The following ROBO2 variants were observed in gnomAD, a reference collection of about 807,000 sequenced individuals.
ROBO2 encodes roundabout guidance receptor 2, also known as roundabout homolog 2.
Under a neutral mutation model 160.8 loss-of-function variants are expected in ROBO2, and 53 were observed. That is an observed-to-expected ratio of 0.33 (90% confidence interval 0.26 to 0.41). The LOEUF is 0.41. ROBO2 is among the 10% of genes least tolerant of loss of function. The pLI is 1.00. For synonymous variants in ROBO2, 664 were observed against 611.7 expected (o/e 1.09, Z -1.26); for missense variants, 1,577 against 1,722.4 (o/e 0.92, Z 1.49).
At chr3:76,601,245 G>C (rs1364225572) in intron 2 of ROBO2, among the ~76,000 whole-genome samples, 1 of 152,188 alleles carries the variant, frequency 6.6e-6, no homozygotes, top group East Asian at 1.9e-4. Context: ...CATGGTGCAA[G>C]CTCTAAGTGG....
intron 2 of ROBO2, among the ~76,000 whole-genome samples, chr3:76,005,835 T>G (rs2107587254): frequency 6.6e-6 from 1 of 152,338 alleles, no homozygotes; most frequent in South Asian, 2.1e-4. Flanking sequence ...GTCATTCAAA[T>G]ATGTAAGGCA....
chr3:76,903,935 A>AAAG (rs1577368313), intron 2 of ROBO2, among the ~76,000 whole-genome samples: 2 of 151,558 alleles, frequency 1.3e-5, no homozygotes, highest in Non-Finnish European at 2.9e-5. Context: ...CTTGGGAAGA[A>AAAG]AAGAAAAAGA....
intron 2 of ROBO2, among the ~76,000 whole-genome samples, chr3:76,186,356 C>A (rs1701762922): frequency 6.6e-6 from 1 of 152,106 alleles, no homozygotes; most frequent in East Asian, 1.9e-4. Context: ...TCCCCCATAC[C>A]CTCTCTCGTT....
intron 2 of ROBO2, among the ~76,000 whole-genome samples, chr3:76,222,281 G>C (rs1704015074): frequency 6.6e-6 from 1 of 152,128 alleles, no homozygotes; most frequent in Admixed American, 6.6e-5. Flanking sequence ...TAAGGTAGAA[G>C]GAGGGGCTGA....
chr3:76,429,690 C>T (rs966369840), intron 2 of ROBO2, among the ~76,000 whole-genome samples: 2 of 152,162 alleles, frequency 1.3e-5, no homozygotes, highest in Non-Finnish European at 2.9e-5. Flanking sequence ...GTATCATCCT[C>T]ATAAACTTAG....
At chr3:77,267,018 A>G (rs934420354) in intron 2 of ROBO2, among the ~76,000 whole-genome samples, 1 of 152,176 alleles carries the variant, frequency 6.6e-6, no homozygotes, top group South Asian at 2.1e-4. Context: ...CTTGTGGGTT[A>G]TCGACAGCTA....
At chr3:76,509,671 C>T (rs1029795849) in intron 2 of ROBO2, among the ~76,000 whole-genome samples, 1 of 152,118 alleles carries the variant, frequency 6.6e-6, no homozygotes, top group Non-Finnish European at 1.5e-5. Flanking sequence ...AAGTCACGCT[C>T]CACGAAGCTG....
intron 2 of ROBO2, among the ~76,000 whole-genome samples, chr3:76,101,105 G>A (rs932388469): frequency 5.9e-5 from 9 of 152,202 alleles, no homozygotes; most frequent in Non-Finnish European, 1.2e-4. Flanking sequence ...CGTGTAACAG[G>A]GAAACAGGTC....
chr3:77,084,245 C>G (rs1449784710), intron 1 of ROBO2, among the ~76,000 whole-genome samples: 1 of 151,962 alleles, frequency 6.6e-6, no homozygotes, highest in African/African-American at 2.4e-5. Flanking sequence ...TTATTATTGC[C>G]TCATTTGAAA....
At chr3:76,555,418 A>AAG (rs879848225) in intron 2 of ROBO2, among the ~76,000 whole-genome samples, 36,316 of 76,306 alleles carry the variant, frequency 0.48, 10,312 homozygotes, top group Non-Finnish European at 0.68. Flanking sequence ...GAAGAAGAAG[A>AAG]AAGAAGGAGA....
At chr3:77,480,154 C>A (rs1266622870) in intron 3 of ROBO2, among the ~76,000 whole-genome samples, 1 of 152,132 alleles carries the variant, frequency 6.6e-6, no homozygotes, top group Admixed American at 6.5e-5. Flanking sequence ...AGTTGTAAAT[C>A]TTGAAACATC....
chr3:77,522,669 G>T, intron 5 of ROBO2, 106 bp from the exon 6 acceptor site: 1 of 1,107,540 alleles, frequency 9.0e-7, no homozygotes, highest in Non-Finnish European at 1.3e-6. Context: ...GTGTGTATTT[G>T]TGTTTAGGTA....
intron 2 of ROBO2, among the ~76,000 whole-genome samples, chr3:76,420,062 A>G (rs901246955): frequency 1.3e-5 from 2 of 152,166 alleles, no homozygotes; most frequent in African/African-American, 4.8e-5. Flanking sequence ...ATTGCTTAAG[A>G]TACTGCTTTT....
chr3:76,389,307 A>G (rs2077038454), intron 2 of ROBO2, among the ~76,000 whole-genome samples: 1 of 152,242 alleles, frequency 6.6e-6, no homozygotes, highest in South Asian at 2.1e-4. Context: ...GTTATCCACT[A>G]TCACACAATA....
intron 2 of ROBO2, among the ~76,000 whole-genome samples, chr3:76,894,987 C>T (rs950701004): frequency 5.3e-5 from 8 of 152,080 alleles, no homozygotes; most frequent in African/African-American, 1.9e-4. Context: ...TTTGTGTTAA[C>T]TATTTTAACA....
chr3:77,537,824 A>G (rs970490391), intron 6 of ROBO2, among the ~76,000 whole-genome samples: 1 of 152,124 alleles, frequency 6.6e-6, no homozygotes, highest in African/African-American at 2.4e-5. Context: ...ACTCTCCTTT[A>G]TAAAACCATC....
intron 2 of ROBO2, among the ~76,000 whole-genome samples, chr3:75,968,354 A>G (rs1041341875): frequency 6.6e-6 from 1 of 151,412 alleles, no homozygotes; most frequent in African/African-American, 2.4e-5. Flanking sequence ...CTTATCTTCC[A>G]TCATTGCTGC....
intron 2 of ROBO2, among the ~76,000 whole-genome samples, chr3:76,066,547 T>C (rs1209417213): frequency 6.6e-6 from 1 of 151,984 alleles, no homozygotes; most frequent in Admixed American, 6.6e-5. Flanking sequence ...TTTTTCAAAT[T>C]AGCAAGAATA....
intron 6 of ROBO2, among the ~76,000 whole-genome samples, chr3:77,535,204 CTTTTTCT>C (rs973338658): frequency 6.7e-6 from 1 of 149,354 alleles, no homozygotes; most frequent in African/African-American, 2.5e-5. Context: ...TTTTCTTTTT[CTTTTTCT>C]TTTTTTTTTT....
Sources: gnomAD v4.1 joint callset for allele counts (sites outside exome capture counted in the v4.1 genomes callset) on GRCh38, gnomAD v4.1.1 for gene constraint, MANE v1.5 for transcripts, NCBI Gene and HGNC (gene_info 2026-07-23, HGNC 2026-07-21) for gene names.